BAZ2B: variants seen among roughly 807,000 people sequenced by gnomAD.
BAZ2B encodes the protein bromodomain adjacent to zinc finger domain protein 2B.
A neutral mutation model predicts 246.0 loss-of-function variants in BAZ2B; 91 were observed. The ratio of observed to expected loss-of-function variants is 0.37; its 90% confidence interval spans 0.31 to 0.44. BAZ2B has a LOEUF of 0.44. Ranked by LOEUF, BAZ2B falls within the 20% of genes least tolerant of loss-of-function variation. The probability of loss-of-function intolerance (pLI) is 1.00; values close to 1 mark genes in which losing one functional copy is unlikely to be tolerated. For missense variants in BAZ2B, 2,332 were observed against 2,533.7 expected (o/e 0.92, Z 1.71); for synonymous variants, 855 against 860.0 (o/e 0.99, Z 0.10).
rs1406759039 is a variant in BAZ2B at position 159,389,431 on chromosome 2, G to C, written c.3130C>G (p.Arg1044Gly). Residue 1044 changes from arginine to glycine, a missense_variant, in exon 21 of 37, where the codon CGT becomes GGT. Physicochemically the swap from Arg to Gly is moderately radical, Grantham distance 125. Coordinates refer to ENST00000392783, the MANE Select transcript of BAZ2B (RefSeq NM_013450.4). ...TCTAATCTTCGCTGCTCTAGTTTAC[G>C]CTCTTTATTTAATCTTTTCTCATCA... ...KRDEKRLNKE[R>G]KLEQRRLELE... 1 of 1,610,540 alleles carries C rather than the reference G, an allele frequency of 6.2e-7. No homozygotes were observed. Among genetic ancestry groups the C allele is most frequent in the Non-Finnish European group, 8.5e-7 (1 of 1,178,408 alleles).
chr2:159,602,891 C>CT (rs1411272679), intron 1 of BAZ2B, among the ~76,000 whole-genome samples: 1 of 152,184 alleles, frequency 6.6e-6, no homozygotes, highest in Non-Finnish European at 1.5e-5. Context: ...AATCCCAACA[C>CT]TTTGGAAGGC....
At chr2:159,372,155 A>G (rs2060919236) in intron 27 of BAZ2B, among the ~76,000 whole-genome samples, 1 of 152,212 alleles carries the variant, frequency 6.6e-6, no homozygotes, top group Admixed American at 6.5e-5. Flanking sequence ...TATAAACATG[A>G]CATGGATTCT....
chr2:159,696,770 T>C, the BAZ2B span, among the ~76,000 whole-genome samples: 5 of 152,222 alleles, frequency 3.3e-5, no homozygotes, highest in African/African-American at 1.2e-4. Context: ...TATGGTTATA[T>C]GCAGTGTTTT....
At chr2:159,702,918 T>C in the BAZ2B span, among the ~76,000 whole-genome samples, 1 of 151,752 alleles carries the variant, frequency 6.6e-6, no homozygotes, top group Admixed American at 6.5e-5. Flanking sequence ...CAGGCACCTG[T>C]AGTCCCAGCT....
At chr2:159,401,748 A>T (rs2065105155) in intron 16 of BAZ2B, among the ~76,000 whole-genome samples, 1 of 152,184 alleles carries the variant, frequency 6.6e-6, no homozygotes, top group African/African-American at 2.4e-5. Context: ...TTTTAACTTA[A>T]AAAATTATCT....
chr2:159,452,233 G>A (rs929823827), intron 4 of BAZ2B, among the ~76,000 whole-genome samples: 2 of 152,128 alleles, frequency 1.3e-5, no homozygotes, highest in African/African-American at 2.4e-5. Context: ...CTTTCTACAC[G>A]TAGTTTTAAA....
intron 20 of BAZ2B, among the ~76,000 whole-genome samples, chr2:159,394,149 A>G (rs145502129): frequency 2.6e-5 from 4 of 152,068 alleles, no homozygotes; most frequent in Non-Finnish European, 5.9e-5. Flanking sequence ...AAAACAAAAC[A>G]AAACCCATGA....
At chr2:159,481,699 C>T (rs1012726969) in intron 2 of BAZ2B, among the ~76,000 whole-genome samples, 7 of 151,580 alleles carry the variant, frequency 4.6e-5, no homozygotes, top group African/African-American at 1.7e-4. Flanking sequence ...CTCAGCTGAA[C>T]CATGAGACAC....
At chr2:159,601,504 C>T (rs1692139842) in intron 1 of BAZ2B, among the ~76,000 whole-genome samples, 1 of 151,792 alleles carries the variant, frequency 6.6e-6, no homozygotes, top group Non-Finnish European at 1.5e-5. Context: ...AGGTGGATCA[C>T]AAGTTCAGGA....
the BAZ2B span, among the ~76,000 whole-genome samples, chr2:159,706,257 CG>C: frequency 6.6e-6 from 1 of 151,594 alleles, no homozygotes; most frequent in South Asian, 2.1e-4. Context: ...AAGGAAAAGG[CG>C]AAAAACGGAA....
chr2:159,418,847 A>C (rs2068220680), intron 13 of BAZ2B, among the ~76,000 whole-genome samples: 1 of 152,078 alleles, frequency 6.6e-6, no homozygotes. Flanking sequence ...ATGTTATGTA[A>C]GTGAATGGAA....
the BAZ2B span, among the ~76,000 whole-genome samples, chr2:159,636,840 T>C: frequency 6.6e-6 from 1 of 152,162 alleles, no homozygotes; most frequent in Non-Finnish European, 1.5e-5. Context: ...GTCTTGCATA[T>C]TGGAAACCAG....
chr2:159,358,372 T>G (rs1576031637), intron 27 of BAZ2B, among the ~76,000 whole-genome samples: 2 of 152,092 alleles, frequency 1.3e-5, no homozygotes, highest in East Asian at 3.9e-4. Context: ...AAGAAAGGCA[T>G]TACATAATGG....
intron 3 of BAZ2B, among the ~76,000 whole-genome samples, chr2:159,465,465 T>C (rs2076920400): frequency 6.6e-6 from 1 of 152,192 alleles, no homozygotes; most frequent in Non-Finnish European, 1.5e-5. Context: ...GAGAACTTAA[T>C]TGACTTGAAC....
chr2:159,608,989 G>A (rs139823417), intron 1 of BAZ2B, among the ~76,000 whole-genome samples: 1,793 of 152,178 alleles, frequency 0.012, 14 homozygotes, highest in Non-Finnish European at 0.018. Context: ...GTGTGGAAAC[G>A]CATCATTGTA....
At chr2:159,472,482 C>T (rs963256403) in intron 3 of BAZ2B, among the ~76,000 whole-genome samples, 2 of 152,228 alleles carry the variant, frequency 1.3e-5, no homozygotes, top group African/African-American at 4.8e-5. Flanking sequence ...TTCTTTCTTT[C>T]TCTTGCCTGA....
chr2:159,612,216 A>T (rs1304191443), intron 1 of BAZ2B, among the ~76,000 whole-genome samples: 4 of 152,026 alleles, frequency 2.6e-5, no homozygotes, highest in Admixed American at 2.0e-4. Flanking sequence ...CCCAATAATT[A>T]TTTCTTTTCT....
chr2:159,422,305 C>G (rs2068908662), intron 13 of BAZ2B, among the ~76,000 whole-genome samples: 1 of 152,078 alleles, frequency 6.6e-6, no homozygotes, highest in Non-Finnish European at 1.5e-5. Flanking sequence ...GCTAAAAGAA[C>G]AAAGCTGGAG....
Position 159,443,103 on chromosome 2 carries a change from T to A in BAZ2B, c.696+3679A>T, listed in dbSNP as rs548152259. 2.6e-5 allele frequency among the ~76,000 whole-genome samples: 4 copies of A among 152,310 alleles called. No homozygotes were observed. In the East Asian group the frequency reaches 7.7e-4, roughly 29 times the overall value. On this transcript the variant is annotated intron_variant, in intron 6 of 36. Transcript: ENST00000392783. ...TTCAATTTTTAATTTTTTGAGGAACTGCCATACTGTTTTCCACAGTGGCAG... is the reference window on the plus strand; with the variant it reads ...TTCAATTTTTAATTTTTTGAGGAACAGCCATACTGTTTTCCACAGTGGCAG...
Sources: gnomAD v4.1 joint callset for allele counts (sites outside exome capture counted in the v4.1 genomes callset) on GRCh38, gnomAD v4.1.1 for gene constraint, MANE v1.5 for transcripts, NCBI Gene and HGNC (gene_info 2026-07-23, HGNC 2026-07-21) for gene names.